The following UBE2E3 variants were observed in gnomAD, a reference collection of about 807,000 sequenced individuals.
UBE2E3 encodes the protein ubiquitin-conjugating enzyme E2 E3.
In UBE2E3, 5 loss-of-function variants were observed where a neutral mutation model predicts 23.6. The ratio of observed to expected loss-of-function variants is 0.21; its 90% confidence interval spans 0.11 to 0.44. The LOEUF is 0.44. Among genes scored for constraint, UBE2E3 ranks in the 20% least tolerant of loss-of-function variants. The pLI, the probability that UBE2E3 is intolerant of heterozygous loss-of-function variation, is 0.99. For synonymous variants in UBE2E3, 78 were observed against 87.5 expected (o/e 0.89, Z 0.60); for missense variants, 81 against 249.8 (o/e 0.32, Z 4.55).
At chr2:181,010,692 A>G (rs1685298517) in intron 3 of UBE2E3, among the ~76,000 whole-genome samples, 2 of 152,172 alleles carry the variant, frequency 1.3e-5, no homozygotes, top group South Asian at 4.1e-4. Context: ...GTGGGACTTC[A>G]GAATAACTAA....
chr2:181,022,652 G>C lies in UBE2E3; in HGVS notation c.246-35041G>C, dbSNP rs76359797. Among the ~76,000 whole-genome samples, 898 of 151,222 alleles carry C rather than the reference G, an allele frequency of 5.9e-3. 8 individuals are homozygous for C. Among genetic ancestry groups the C allele is most frequent in the Non-Finnish European group, 9.6e-3 (651 of 67,870 alleles). On this transcript the variant is annotated intron_variant, in intron 3 of 5. Coordinates refer to ENST00000410062, the MANE Select transcript of UBE2E3 (RefSeq NM_006357.4). ...GATAGCACTTTAGCATTATGTTGGG[G>C]ACCATTTCAAACAATGAAATTACTA...
At chr2:181,039,734 T>TA (rs1423522185) in intron 3 of UBE2E3, among the ~76,000 whole-genome samples, 2 of 152,196 alleles carry the variant, frequency 1.3e-5, no homozygotes, top group Non-Finnish European at 2.9e-5. Flanking sequence ...AGGAGTTAAA[T>TA]AAAATTTTCG....
chr2:180,993,051 G>A (rs1448771978), intron 3 of UBE2E3, among the ~76,000 whole-genome samples: 1 of 152,168 alleles, frequency 6.6e-6, no homozygotes, highest in East Asian at 1.9e-4. Flanking sequence ...AAATGCAGTA[G>A]TAAAGTTAAA....
At chr2:181,006,365 A>G (rs1685147377) in intron 3 of UBE2E3, among the ~76,000 whole-genome samples, 1 of 119,402 alleles carries the variant, frequency 8.4e-6, no homozygotes, top group African/African-American at 3.4e-5. Context: ...CATTCTGTTC[A>G]TATTGTTTGT....
At chr2:181,057,372 G>T (rs1687018124) in intron 3 of UBE2E3, among the ~76,000 whole-genome samples, 2 of 151,484 alleles carry the variant, frequency 1.3e-5, no homozygotes, top group Non-Finnish European at 2.9e-5. Context: ...ATGTCTCTAT[G>T]CATGCTTGCA....
rs376376145 is a variant in UBE2E3, at chr2:180,987,236, A to G, written c.245+3143A>G. 478 of 1,311,618 alleles carry G rather than the reference A, an allele frequency of 3.6e-4. 6 individuals carry two copies. The African/African-American group carries it at 5.8e-3, about 16-fold the overall frequency. 81.2% of individuals were successfully genotyped at this position (1,311,618 alleles called of 1,614,324 possible). A position where few individuals can be genotyped will look rare whatever the true frequency, so the allele number is the denominator to read the frequency against. Reference sequence around the variant, plus strand: ...TATACATCAATGAGAGTCAAGGGAAATTGTGTTATGGGCATTTCCCTATTT... The same window carrying G: ...TATACATCAATGAGAGTCAAGGGAAGTTGTGTTATGGGCATTTCCCTATTT... On this transcript the variant is annotated intron_variant, in intron 3 of 5. Transcript: ENST00000410062.
intron 3 of UBE2E3, among the ~76,000 whole-genome samples, chr2:181,027,406 A>G (rs1344852727): frequency 6.6e-6 from 1 of 151,984 alleles, no homozygotes; most frequent in Non-Finnish European, 1.5e-5. Flanking sequence ...ATAGTTAATC[A>G]TAATTAAAAA....
chr2:180,990,441 T>C lies in UBE2E3; in HGVS notation c.245+6348T>C, dbSNP rs143897392. Among the ~76,000 whole-genome samples the C allele has an allele frequency of 1.3e-3, 195 of 152,336 alleles. 1 individual carries two copies. The highest frequency in any genetic ancestry group is 4.2e-3 in the African/African-American group (176 of 41,576). ...GTTTGCTTTTGACTGTTTTCCTGTC[T>C]TATTAGTGATGCATCCTTAATATAT... On this transcript the variant is annotated intron_variant, in intron 3 of 5. Coordinates refer to ENST00000410062, the MANE Select transcript of UBE2E3 (RefSeq NM_006357.4).
At chr2:181,054,016 G>A (rs137879647) in intron 3 of UBE2E3, among the ~76,000 whole-genome samples, 167 of 151,832 alleles carry the variant, frequency 1.1e-3, no homozygotes, top group African/African-American at 3.9e-3. Context: ...TCTTTTCATG[G>A]CTTGATAGCT....
intron 3 of UBE2E3, among the ~76,000 whole-genome samples, chr2:180,991,855 G>A (rs567458117): frequency 2.6e-5 from 4 of 152,188 alleles, no homozygotes; most frequent in East Asian, 1.9e-4. Context: ...AGATTTCATC[G>A]TGCTACTTAG....
chr2:181,020,537 A>G (rs1685641740), intron 3 of UBE2E3, among the ~76,000 whole-genome samples: 1 of 152,220 alleles, frequency 6.6e-6, no homozygotes, highest in Non-Finnish European at 1.5e-5. Flanking sequence ...ATCCTTAATA[A>G]TAATGTAATA....
At chr2:181,060,940 C>T in intron 5 of UBE2E3, 128 bp downstream of exon 5, 1 of 969,180 alleles carries the variant, frequency 1.0e-6, no homozygotes, top group Non-Finnish European at 1.4e-6. Flanking sequence ...AGAAAGATCC[C>T]CATAAAACAG....
chr2:181,028,775 C>A (rs1216756302), intron 3 of UBE2E3, among the ~76,000 whole-genome samples: 1 of 151,900 alleles, frequency 6.6e-6, no homozygotes, highest in Non-Finnish European at 1.5e-5. Context: ...GATACAGATG[C>A]CTTTTGTACA....
chr2:181,054,276 G>A (rs1686926782), intron 3 of UBE2E3, among the ~76,000 whole-genome samples: 1 of 151,864 alleles, frequency 6.6e-6, no homozygotes. Flanking sequence ...TTGCCAAACT[G>A]TCTTCCAAAG....
chr2:181,016,342 A>G (rs1021822425), intron 3 of UBE2E3, among the ~76,000 whole-genome samples: 4 of 152,078 alleles, frequency 2.6e-5, no homozygotes, highest in African/African-American at 9.7e-5. Flanking sequence ...GGCCTCCCAA[A>G]GTGCTAGGAT....
chr2:181,040,275 A>G (rs770741584), intron 3 of UBE2E3, among the ~76,000 whole-genome samples: 3 of 152,248 alleles, frequency 2.0e-5, no homozygotes, highest in Non-Finnish European at 2.9e-5. Context: ...TCGTCCTTCC[A>G]CGGGACATTG....
intron 3 of UBE2E3, among the ~76,000 whole-genome samples, chr2:180,994,541 C>A (rs1022448024): frequency 1.3e-5 from 2 of 152,168 alleles, no homozygotes; most frequent in Non-Finnish European, 2.9e-5. Context: ...TTCAGTAGCT[C>A]CGTAATCAGT....
Position 181,036,994 on chromosome 2 carries a change from C to T in UBE2E3, c.246-20699C>T, listed in dbSNP as rs2105657986. 2.0e-5 allele frequency among the ~76,000 whole-genome samples: 3 copies of T among 152,254 alleles called. No homozygotes were observed. The Middle Eastern group carries it at 0.01, about 518-fold the overall frequency. On this transcript the variant is annotated intron_variant, in intron 3 of 5. Coordinates refer to ENST00000410062, the MANE Select transcript of UBE2E3 (RefSeq NM_006357.4). The stretch of plus-strand genomic sequence containing the variant: ...TACTGTATTGAACCTTGATTGTGAC[C>T]TCACATCATCCATAGTTATGCATTG...
intron 3 of UBE2E3, among the ~76,000 whole-genome samples, chr2:180,984,804 T>C (rs1684402427): frequency 6.6e-6 from 1 of 152,192 alleles, no homozygotes; most frequent in Non-Finnish European, 1.5e-5. Flanking sequence ...AAGTAGCTGG[T>C]TGATTATTTT....
Sources: gnomAD v4.1 joint callset for allele counts (sites outside exome capture counted in the v4.1 genomes callset) on GRCh38, gnomAD v4.1.1 for gene constraint, MANE v1.5 for transcripts, NCBI Gene and HGNC (gene_info 2026-07-23, HGNC 2026-07-21) for gene names.